The following AFG3L2 variants were observed in gnomAD, a reference collection of about 807,000 sequenced individuals.
AFG3L2 encodes AFG3 like matrix AAA peptidase subunit 2, also known as mitochondrial inner membrane m-AAA protease component AFG3L2.
AFG3L2 carries 54 observed loss-of-function variants against 94.5 expected under a neutral mutation model. The ratio of observed to expected loss-of-function variants is 0.57; its 90% CI spans 0.46 to 0.72. The LOEUF (loss-of-function observed/expected upper bound fraction) is 0.72. AFG3L2 is among the 30% of genes least tolerant of loss of function. The pLI is 0.00. For missense variants in AFG3L2, 754 were observed against 994.9 expected (o/e 0.76, Z 3.26); for synonymous variants, 377 against 365.5 (o/e 1.03, Z -0.36).
chr18:12,344,673 C>CA (rs758378860), intron 13 of AFG3L2, among the ~76,000 whole-genome samples: 350 of 110,602 alleles, frequency 3.2e-3, no homozygotes, highest in African/African-American at 6.3e-3. Context: ...GAATCCGTCT[C>CA]AAAAAAAAAA....
At chr18:12,356,597 C>A (rs898205341) in intron 9 of AFG3L2, 97 bp downstream of exon 9, 3 of 1,553,070 alleles carry the variant, frequency 1.9e-6, no homozygotes, top group Non-Finnish European at 2.7e-6. Flanking sequence ...GTCACTCTAG[C>A]ACTCTAGGGG....
At chr18:12,339,552 CA>C (rs57358869) in intron 15 of AFG3L2, among the ~76,000 whole-genome samples, 12,719 of 102,886 alleles carry the variant, frequency 0.12, 673 homozygotes, top group Middle Eastern at 0.25. Flanking sequence ...AACTCCAGAT[CA>C]AAAAAAAAAA....
intron 14 of AFG3L2, chr18:12,341,321 T>C (rs1907946598): frequency 1.3e-5 from 2 of 152,222 alleles, no homozygotes; most frequent in African/African-American, 4.8e-5. Flanking sequence ...TGCACCCATC[T>C]GAAGTGTAGA....
intron 5 of AFG3L2, among the ~76,000 whole-genome samples, 156 bp downstream of exon 5, chr18:12,366,809 T>C (rs1447059020): frequency 6.6e-6 from 1 of 152,234 alleles, no homozygotes; most frequent in Non-Finnish European, 1.5e-5. Flanking sequence ...ACGGGTTCTC[T>C]AGTTGCAGTA....
chr18:12,368,662 G>A (rs1324224670), intron 3 of AFG3L2, among the ~76,000 whole-genome samples: 1 of 152,038 alleles, frequency 6.6e-6, no homozygotes, highest in Non-Finnish European at 1.5e-5. Flanking sequence ...GTACAATGGC[G>A]TGATCTCAGC....
chr18:12,332,684 A>ATT (rs201207859), intron 16 of AFG3L2, among the ~76,000 whole-genome samples: 11 of 144,256 alleles, frequency 7.6e-5, no homozygotes, highest in Admixed American at 2.0e-4. Context: ...ATATATATAT[A>ATT]TTTTTTGTCT....
At chr18:12,333,343 A>AAT in intron 16 of AFG3L2, among the ~76,000 whole-genome samples, 1 of 130,202 alleles carries the variant, frequency 7.7e-6, no homozygotes, top group South Asian at 2.2e-4. Flanking sequence ...TTATATATAT[A>AAT]ATATATAATT....
chr18:12,371,573 G>A lies in AFG3L2; in HGVS notation c.214+19C>T. The A allele has an allele frequency of 6.2e-7, 1 of 1,604,570 alleles. No homozygotes were observed. The highest frequency in any genetic ancestry group is 8.5e-7 in the Non-Finnish European group (1 of 1,172,210). ...CAACCTAAGAATGTAGAACACTACA[G>A]CCACACCTAAGCATTTACCTTTTGG... On this transcript the variant is annotated intron_variant, in intron 2 of 16. Coordinates refer to ENST00000269143, the MANE Select transcript of AFG3L2 (RefSeq NM_006796.3).
intron 16 of AFG3L2, among the ~76,000 whole-genome samples, chr18:12,335,912 G>C (rs1025562656): frequency 3.9e-5 from 6 of 152,182 alleles, no homozygotes; most frequent in African/African-American, 1.4e-4. Context: ...TCTAACATAG[G>C]GGTTATAGTC....
intron 16 of AFG3L2, 54 bp from the exon 17 acceptor site, chr18:12,329,837 A>T (rs536730467): frequency 9.3e-4 from 1,384 of 1,495,860 alleles, no homozygotes; most frequent in Non-Finnish European, 1.2e-3. Flanking sequence ...GTCTATTCAG[A>T]AATATTAATT....
intron 16 of AFG3L2, 181 bp downstream of exon 16, chr18:12,337,160 C>CA (rs1438848701): frequency 1.5e-6 from 1 of 660,882 alleles, no homozygotes; most frequent in Non-Finnish European, 2.7e-6. Context: ...AACTTCTGCT[C>CA]ACCACATTGC....
chr18:12,372,911 G>T (rs765742426), intron 1 of AFG3L2, among the ~76,000 whole-genome samples: 19 of 152,176 alleles, frequency 1.2e-4, no homozygotes, highest in Admixed American at 8.5e-4. Context: ...GATTACTAAT[G>T]GTCGCAGGGC....
chr18:12,331,082 TC>T (rs2143079925), intron 16 of AFG3L2, among the ~76,000 whole-genome samples: 1 of 152,306 alleles, frequency 6.6e-6, no homozygotes, highest in East Asian at 1.9e-4. Context: ...TAGATGGTGG[TC>T]CCGTAAGATT....
Position 12,351,543 on chromosome 18 carries a change from T to C in AFG3L2, c.1319-130A>G, listed in dbSNP as rs1470762845. 4 of 831,518 alleles carry C rather than the reference T, an allele frequency of 4.8e-6. No individual in the cohort carries two copies. In the South Asian group the frequency reaches 6.3e-5, roughly 13 times the overall value. The allele number at this position is 831,518 out of a possible 1,614,324, so 51.5% of individuals were successfully genotyped here. On this transcript the variant is annotated intron_variant, in intron 10 of 16. Transcript: ENST00000269143. Reference sequence around the variant, plus strand: ...CACATTTTCTATTCATTATCTAGTGTTTTTTGTTTTTTTTTTTTTTGAGAC... The same window carrying C: ...CACATTTTCTATTCATTATCTAGTGCTTTTTGTTTTTTTTTTTTTTGAGAC...
Position 12,329,500 on chromosome 18 carries a change from A to G in AFG3L2, c.*65T>C, listed in dbSNP as rs1907444774. On this transcript the variant is annotated 3_prime_UTR_variant, in exon 17 of 17. Transcript: ENST00000269143. ...CAGCATTCCCATTCTTCTGAAAGCC[A>G]CAGCTGAAATAATGCACCAGCTGAA... 1 of 1,502,762 alleles carries G rather than the reference A, an allele frequency of 6.7e-7. No individual in the cohort carries two copies. The highest frequency in any genetic ancestry group is 1.4e-5 in the African/African-American group (1 of 72,534). 93.1% of individuals were successfully genotyped at this position (1,502,762 alleles called of 1,614,324 possible). A position where few individuals can be genotyped will look rare whatever the true frequency, so the allele number is the denominator to read the frequency against.
chr18:12,367,997 G>A (rs1468777621), intron 3 of AFG3L2, among the ~76,000 whole-genome samples: 1 of 151,974 alleles, frequency 6.6e-6, no homozygotes, highest in Non-Finnish European at 1.5e-5. Context: ...GAGAAACCCT[G>A]TCTCTACTAA....
At chr18:12,358,215 T>C (rs1182651105) in intron 8 of AFG3L2, among the ~76,000 whole-genome samples, 1 of 152,216 alleles carries the variant, frequency 6.6e-6, no homozygotes, top group African/African-American at 2.4e-5. Context: ...AGAGCATATT[T>C]GCTGGAAAGG....
At chr18:12,359,440 T>C (rs1386914718) in intron 7 of AFG3L2, among the ~76,000 whole-genome samples, 1 of 151,720 alleles carries the variant, frequency 6.6e-6, no homozygotes, top group East Asian at 1.9e-4. Context: ...AAAATAAAAA[T>C]AAAAATAAAG....
chr18:12,339,317 C>A (rs1907861912), intron 15 of AFG3L2, among the ~76,000 whole-genome samples: 1 of 150,264 alleles, frequency 6.7e-6, no homozygotes, highest in South Asian at 2.1e-4. Flanking sequence ...CTTTGAGAGG[C>A]CGAGGCGGGC....
Sources: allele counts gnomAD v4.1 joint callset (sites outside exome capture counted in the v4.1 genomes callset), GRCh38; gene constraint gnomAD v4.1.1; transcripts MANE v1.5; gene names NCBI Gene and HGNC (gene_info 2026-07-23, HGNC 2026-07-21).